The following MAFK variants were observed in gnomAD, a reference collection of about 807,000 sequenced individuals.
MAFK encodes the protein transcription factor MafK.
Under a neutral mutation model 9.2 loss-of-function variants are expected in MAFK, and 1 was observed. The ratio of observed to expected loss-of-function variants is 0.11; its 90% confidence interval spans 0.04 to 0.52. The LOEUF is 0.52. Among genes scored for constraint, MAFK ranks in the 20% least tolerant of loss-of-function variants. MAFK has a pLI of 0.94. For synonymous variants in MAFK, 110 were observed against 107.4 expected (o/e 1.02, Z -0.15); for missense variants, 207 against 236.0 (o/e 0.88, Z 0.81).
intron 2 of MAFK, 47 bp from the exon 3 acceptor site, chr7:1,539,894 G>A (rs758293591): frequency 4.1e-6 from 6 of 1,446,516 alleles, no homozygotes; most frequent in Non-Finnish European, 4.6e-6. Context: ...GTCCCAGGCA[G>A]ACACCCCACG....
intron 1 of MAFK, among the ~76,000 whole-genome samples, chr7:1,533,380 G>T (rs1340215167): frequency 6.6e-6 from 1 of 152,186 alleles, no homozygotes; most frequent in Non-Finnish European, 1.5e-5. Context: ...CCTTGGGGAG[G>T]CCCCCTGTCC....
intron 2 of MAFK, 135 bp downstream of exon 2, chr7:1,539,363 C>A: frequency 1.4e-6 from 1 of 701,716 alleles, no homozygotes; most frequent in Non-Finnish European, 2.4e-6. Context: ...AGGGGGGCTG[C>A]TGTGGCCGAG....
In MAFK at chr7:1,540,846, T is replaced by TTTTTTTAATGATACG; in HGVS notation, c.*471_*472insTTTTTTAATGATACG. The TTTTTTTAATGATACG allele has an allele frequency of 1.8e-5, 3 of 169,424 alleles. No individual in the cohort carries two copies. Among genetic ancestry groups the TTTTTTTAATGATACG allele is most frequent in the Non-Finnish European group, 3.8e-5 (3 of 79,490 alleles). The allele number at this position is 169,424 out of a possible 1,614,324, so 10.5% of individuals were successfully genotyped here. A position where few individuals can be genotyped will look rare whatever the true frequency, so the allele number is the denominator to read the frequency against. ...CCCAGCCGGTGCGGGAGCCCCTCAC[T>TTTTTTTAATGATACG]GCCCTGACCGACTCCGCAGTCCCCG... On this transcript the variant is annotated 3_prime_UTR_variant, in exon 3 of 3. Coordinates refer to ENST00000343242, the MANE Select transcript of MAFK (RefSeq NM_002360.4).
intron 1 of MAFK, among the ~76,000 whole-genome samples, chr7:1,535,611 C>G (rs1443297268): frequency 6.6e-6 from 1 of 152,250 alleles, no homozygotes. Flanking sequence ...GATTTCACCA[C>G]TGCACTCCAG....
chr7:1,540,900 C>T lies in MAFK; in HGVS notation c.*525C>T. 1.3e-5 allele frequency: 2 copies of T among 158,276 alleles called. No homozygotes were observed. The highest frequency in any genetic ancestry group is 2.8e-5 in the Non-Finnish European group (2 of 72,166). The allele number at this position is 158,276 out of a possible 1,614,324, so 9.8% of individuals were successfully genotyped here. A position where few individuals can be genotyped will look rare whatever the true frequency, so the allele number is the denominator to read the frequency against. The stretch of plus-strand genomic sequence containing the variant: ...AGGAGCATGGATGGTGTGTCGGCAG[C>T]TCCGTCCTTCCAGCTGTCCCGTTGC... On this transcript the variant is annotated 3_prime_UTR_variant, in exon 3 of 3. Coordinates refer to ENST00000343242, the MANE Select transcript of MAFK (RefSeq NM_002360.4).
chr7:1,539,292 AG>A, intron 2 of MAFK, 64 bp downstream of exon 2: 1 of 1,363,228 alleles, frequency 7.3e-7, no homozygotes, highest in Non-Finnish European at 1.0e-6. Context: ...CCGGCCCGAC[AG>A]CCCCTGCTAT....
chr7:1,531,901 G>C (rs928294306), intron 1 of MAFK, among the ~76,000 whole-genome samples: 36 of 152,228 alleles, frequency 2.4e-4, no homozygotes, highest in African/African-American at 8.2e-4. Flanking sequence ...GCGTCCCTGA[G>C]CATGCTGTTT....
chr7:1,540,639 G>GT lies in MAFK; in HGVS notation c.*265dup. On this transcript the variant is annotated 3_prime_UTR_variant, in exon 3 of 3. Transcript: ENST00000343242. ...AGGATGTGTCTGTGTGTGGGAATTGGTATCTTGCACCCGTGGGAGTCGGGA... is the reference window on the plus strand; with the variant it reads ...AGGATGTGTCTGTGTGTGGGAATTGGTTATCTTGCACCCGTGGGAGTCGGGA... The GT allele has an allele frequency of 2.0e-6, 1 of 488,742 alleles. No homozygotes were observed. Among genetic ancestry groups the GT allele is most frequent in the Non-Finnish European group, 3.6e-6 (1 of 276,718 alleles). 30.3% of individuals were successfully genotyped at this position (488,742 alleles called of 1,614,324 possible).
chr7:1,533,294 C>T (rs1308787818), intron 1 of MAFK, among the ~76,000 whole-genome samples: 3 of 152,196 alleles, frequency 2.0e-5, no homozygotes, highest in Non-Finnish European at 2.9e-5. Context: ...CATGCGGGGC[C>T]GGCTCATCTC....
In MAFK at chr7:1,540,386, G is replaced by A. The variant is rs1202087490; in HGVS notation, c.*11G>A. 1 of 1,511,254 alleles carries A rather than the reference G, an allele frequency of 6.6e-7. No individual in the cohort carries two copies. Among genetic ancestry groups the A allele is most frequent in the East Asian group, 2.4e-5 (1 of 41,028 alleles). 93.6% of individuals were successfully genotyped at this position (1,511,254 alleles called of 1,614,324 possible). The stretch of plus-strand genomic sequence containing the variant: ...TCGGCTGCATCCTAGTGCCGGCCGG[G>A]GGCGGGGGGTGGCGGGCGGCGGGCG... On this transcript the variant is annotated 3_prime_UTR_variant, in exon 3 of 3. Transcript: ENST00000343242.
intron 1 of MAFK, among the ~76,000 whole-genome samples, chr7:1,537,160 C>T (rs751428872): frequency 4.2e-4 from 64 of 152,258 alleles, no homozygotes; most frequent in Non-Finnish European, 5.4e-4. Context: ...AAGATCCCCA[C>T]GCTGAACTCT....
At chr7:1,533,695 G>C (rs1783959283) in intron 1 of MAFK, among the ~76,000 whole-genome samples, 2 of 152,084 alleles carry the variant, frequency 1.3e-5, no homozygotes, top group Non-Finnish European at 2.9e-5. Context: ...GTGGGTTCAG[G>C]CGGGTGATGC....
At chr7:1,537,196 C>T (rs1442077123) in intron 1 of MAFK, among the ~76,000 whole-genome samples, 1 of 152,272 alleles carries the variant, frequency 6.6e-6, no homozygotes, top group Admixed American at 6.5e-5. Flanking sequence ...CCGAGCCCCA[C>T]ACGTCACCGT....
At chr7:1,535,085 C>CGTTTTTTT (rs1357575702) in intron 1 of MAFK, among the ~76,000 whole-genome samples, 5 of 111,938 alleles carry the variant, frequency 4.5e-5, no homozygotes, top group Non-Finnish European at 8.4e-5. Flanking sequence ...ATTTAAAATT[C>CGTTTTTTT]TTTTTTTTTT....
In MAFK at chr7:1,534,368, G is replaced by T. The variant is rs1338229853; in HGVS notation, c.-45+3470G>T. ...GCCCCACCTACCCTTGCGGCCCAGTGTGGAGGGCACCCGGCTTGGGGTCTC... is the reference window on the plus strand; with the variant it reads ...GCCCCACCTACCCTTGCGGCCCAGTTTGGAGGGCACCCGGCTTGGGGTCTC... On this transcript the variant is annotated intron_variant, in intron 1 of 2. Coordinates refer to ENST00000343242, the MANE Select transcript of MAFK (RefSeq NM_002360.4). The surrounding 1 kb of genome is among the most constrained non-coding windows in gnomAD (Gnocchi z 4.3). 1 of 448,918 alleles carries T rather than the reference G, an allele frequency of 2.2e-6. No homozygotes were observed. Among genetic ancestry groups the T allele is most frequent in the Admixed American group, 2.4e-5 (1 of 42,424 alleles). The allele number at this position is 448,918 out of a possible 1,614,324, so 27.8% of individuals were successfully genotyped here. A position where few individuals can be genotyped will look rare whatever the true frequency, so the allele number is the denominator to read the frequency against.
At chr7:1,538,950 C>G in intron 1 of MAFK, 199 bp from the exon 2 acceptor site, 1 of 543,638 alleles carries the variant, frequency 1.8e-6, no homozygotes, top group Non-Finnish European at 3.3e-6. Context: ...CAGGCAGGGA[C>G]AGAGGCCGGG....
Position 1,532,205 on chromosome 7 carries a change from A to G in MAFK, c.-45+1307A>G, listed in dbSNP as rs568281855. ...GTGTGTTGTTGTAAGGGGTTCTCCA[A>G]CACAGAGTGGGGTGCCCTATGCAGC... is the stretch of plus-strand genomic sequence containing the variant. On this transcript the variant is annotated intron_variant, in intron 1 of 2. Coordinates refer to ENST00000343242, the MANE Select transcript of MAFK (RefSeq NM_002360.4). The surrounding 1 kb of genome is among the most constrained non-coding windows in gnomAD (Gnocchi z 4.5). Among the ~76,000 whole-genome samples, 3 of 152,322 alleles carry G rather than the reference A, an allele frequency of 2.0e-5. No individual in the cohort carries two copies. Among genetic ancestry groups the G allele is most frequent in the African/African-American group, 4.8e-5 (2 of 41,584 alleles).
In MAFK at chr7:1,541,634, T is replaced by A. The variant is rs1784191904; in HGVS notation, c.*1259T>A. ...TCCAGGAGAGCTTCGTGGACGTGGC[T>A]CCTGCGCGCACACCCCCAGGAGCAC... On this transcript the variant is annotated 3_prime_UTR_variant, in exon 3 of 3. Transcript: ENST00000343242. 6.6e-6 allele frequency: 1 copy of A among 152,206 alleles called. No individual in the cohort carries two copies. Among genetic ancestry groups the A allele is most frequent in the African/African-American group, 2.4e-5 (1 of 41,352 alleles). 9.4% of individuals were successfully genotyped at this position (152,206 alleles called of 1,614,324 possible). A position where few individuals can be genotyped will look rare whatever the true frequency, so the allele number is the denominator to read the frequency against.
rs1583205411 is a variant in MAFK, at chr7:1,541,688, C to G, written c.*1313C>G. 6.6e-6 allele frequency: 1 copy of G among 152,380 alleles called. No individual in the cohort carries two copies. Among genetic ancestry groups the G allele is most frequent in the South Asian group, 2.1e-4 (1 of 4,830 alleles). The allele number at this position is 152,380 out of a possible 1,614,324, so 9.4% of individuals were successfully genotyped here. A position where few individuals can be genotyped will look rare whatever the true frequency, so the allele number is the denominator to read the frequency against. On this transcript the variant is annotated 3_prime_UTR_variant, in exon 3 of 3. Coordinates refer to ENST00000343242, the MANE Select transcript of MAFK (RefSeq NM_002360.4). ...CACGGGCTGCAGGTGTGGCTGGCCTCAGCACTCAGTCCTCACCCGGAGCCT... is the reference window on the plus strand; with the variant it reads ...CACGGGCTGCAGGTGTGGCTGGCCTGAGCACTCAGTCCTCACCCGGAGCCT...
Sources: allele counts gnomAD v4.1 joint callset (sites outside exome capture counted in the v4.1 genomes callset), GRCh38; gene constraint gnomAD v4.1.1; non-coding constraint Gnocchi (gnomAD v3.1); transcripts MANE v1.5; gene names NCBI Gene and HGNC (gene_info 2026-07-23, HGNC 2026-07-21).